The following CAST variants were observed in gnomAD, a reference collection of about 807,000 sequenced individuals.
CAST encodes the protein MIR583 host.
In CAST, 76 loss-of-function variants were observed where a neutral mutation model predicts 119.6. That is an observed-to-expected ratio of 0.64 (90% confidence interval 0.53 to 0.77). The LOEUF is 0.77. Among genes scored for constraint, CAST ranks in the 30% least tolerant of loss-of-function variants. The pLI is 0.00. For missense variants in CAST, 953 were observed against 946.5 expected (o/e 1.01, Z -0.09); for synonymous variants, 319 against 331.6 (o/e 0.96, Z 0.41).
At chr5:96,412,856 G>A in the CAST span, 1 of 671,220 alleles carries the variant, frequency 1.5e-6, no homozygotes, top group Non-Finnish European at 1.9e-6. Flanking sequence ...ATGAGAGGAA[G>A]TGGCCGTGAT....
intron 1 of CAST, among the ~76,000 whole-genome samples, chr5:96,649,440 A>C (rs1042915038): frequency 6.6e-6 from 1 of 152,222 alleles, no homozygotes; most frequent in African/African-American, 2.4e-5. Context: ...CTGGGAATGT[A>C]ACCTCTCCCA....
the CAST span, chr5:96,395,071 T>C: frequency 7.2e-7 from 1 of 1,389,576 alleles, no homozygotes; most frequent in Non-Finnish European, 1.0e-6. Context: ...TTAGATAATA[T>C]AAAACAAACT....
chr5:96,525,704 T>C (rs145232857), upstream of CAST, among the ~76,000 whole-genome samples: 86 of 152,304 alleles, frequency 5.6e-4, no homozygotes, highest in African/African-American at 1.9e-3. Context: ...ACTTACCATT[T>C]AGTTAAGTTA....
At chr5:96,550,920 A>G (rs1258499505) in intron 1 of CAST, among the ~76,000 whole-genome samples, 1 of 152,238 alleles carries the variant, frequency 6.6e-6, no homozygotes, top group Non-Finnish European at 1.5e-5. Context: ...GACTATGTGA[A>G]AAGACCAAAT....
At chr5:96,162,484 C>T in the CAST span, among the ~76,000 whole-genome samples, 2 of 152,100 alleles carry the variant, frequency 1.3e-5, no homozygotes, top group Non-Finnish European at 1.5e-5. Flanking sequence ...GTGGGGTGAT[C>T]TTGGCTCACT....
the CAST span, among the ~76,000 whole-genome samples, chr5:95,981,804 G>C: frequency 6.6e-6 from 1 of 152,178 alleles, no homozygotes; most frequent in South Asian, 2.1e-4. Context: ...GAACCCGGGA[G>C]GTGGAGGTTG....
chr5:96,121,641 T>G, the CAST span, among the ~76,000 whole-genome samples: 1 of 152,186 alleles, frequency 6.6e-6, no homozygotes, highest in South Asian at 2.1e-4. Context: ...AAATTTCATT[T>G]GCAAGTTCAA....
chr5:96,521,464 C>T (rs913396209), upstream of CAST, among the ~76,000 whole-genome samples: 1 of 152,108 alleles, frequency 6.6e-6, no homozygotes, highest in Non-Finnish European at 1.5e-5. Flanking sequence ...TATGCAATGC[C>T]CTACCTGACT....
At chr5:96,627,052 T>C (rs528287984) in intron 1 of CAST, among the ~76,000 whole-genome samples, 14 of 152,204 alleles carry the variant, frequency 9.2e-5, no homozygotes, top group Non-Finnish European at 1.9e-4. Context: ...AAAGAATATG[T>C]GGGAACAGCT....
the CAST span, among the ~76,000 whole-genome samples, chr5:96,388,635 A>G: frequency 0.29 from 44,532 of 152,072 alleles, 6,669 homozygotes; most frequent in African/African-American, 0.33. Flanking sequence ...AATCATTTAT[A>G]TGAATGTTAT....
chr5:96,216,964 A>G, the CAST span, among the ~76,000 whole-genome samples: 1 of 152,170 alleles, frequency 6.6e-6, no homozygotes, highest in Admixed American at 6.5e-5. Flanking sequence ...AGTATTTTAT[A>G]AGCACTTTAC....
the CAST span, among the ~76,000 whole-genome samples, chr5:95,967,359 T>C: frequency 6.6e-6 from 1 of 151,996 alleles, no homozygotes; most frequent in African/African-American, 2.4e-5. Context: ...TCCACTATGA[T>C]CCTTCCTATG....
chr5:96,705,945 T>C, intron 3 of CAST, among the ~76,000 whole-genome samples: 1 of 152,214 alleles, frequency 6.6e-6, no homozygotes, highest in East Asian at 1.9e-4. Context: ...TGAAAAGTTA[T>C]CACACACTAA....
At chr5:96,440,650 A>G in the CAST span, among the ~76,000 whole-genome samples, 1 of 152,186 alleles carries the variant, frequency 6.6e-6, no homozygotes. Context: ...CTCTCCAGTC[A>G]GAATTACTCA....
chr5:96,150,582 A>G, the CAST span, among the ~76,000 whole-genome samples: 2,897 of 152,252 alleles, frequency 0.019, 63 homozygotes, highest in African/African-American at 0.058. Flanking sequence ...GAGAGAAGAG[A>G]TGCTGTATTG....
At chr5:95,997,852 G>A in the CAST span, among the ~76,000 whole-genome samples, 1 of 151,758 alleles carries the variant, frequency 6.6e-6, no homozygotes, top group Non-Finnish European at 1.5e-5. Context: ...AACTGAATAA[G>A]GACTCTATAA....
At chr5:96,526,400 T>C (rs1745597433), upstream of CAST, among the ~76,000 whole-genome samples, 1 of 152,178 alleles carries the variant, frequency 6.6e-6, no homozygotes, top group Non-Finnish European at 1.5e-5. Flanking sequence ...GATAAAAGTC[T>C]CTCAGGTGAT....
At chr5:95,976,325 A>G in the CAST span, among the ~76,000 whole-genome samples, 1 of 152,084 alleles carries the variant, frequency 6.6e-6, no homozygotes, top group South Asian at 2.1e-4. Context: ...TACACACATG[A>G]ATATGATATA....
intron 1 of CAST, among the ~76,000 whole-genome samples, chr5:96,640,692 A>G (rs766806147): frequency 1.3e-5 from 2 of 152,176 alleles, no homozygotes; most frequent in Non-Finnish European, 1.5e-5. Context: ...AGTTATGGAG[A>G]TGGAATGCCC....
Sources: allele counts gnomAD v4.1 joint callset (sites outside exome capture counted in the v4.1 genomes callset), GRCh38; gene constraint gnomAD v4.1.1; transcripts MANE v1.5; gene names NCBI Gene and HGNC (gene_info 2026-07-23, HGNC 2026-07-21).